Variants in DUSP16 observed in about 807,000 individuals in gnomAD.
DUSP16 encodes dual specificity phosphatase 16.
In DUSP16, 21 loss-of-function variants were observed where a neutral mutation model predicts 58.3. The ratio of observed to expected loss-of-function variants is 0.36; its 90% confidence interval spans 0.26 to 0.52. The LOEUF (loss-of-function observed/expected upper bound fraction) is 0.52. Ranked by LOEUF, DUSP16 falls within the 20% of genes least tolerant of loss-of-function variation. The pLI is 0.94. For synonymous variants in DUSP16, 320 were observed against 323.8 expected, an observed-to-expected ratio of 0.99 and a Z score of 0.12; for missense variants, 726 against 819.0, an observed-to-expected ratio of 0.89 and a Z score of 1.39.
At chr12:12,541,159 A>C (rs1944554529) in intron 1 of DUSP16, among the ~76,000 whole-genome samples, 2 of 151,696 alleles carry the variant, frequency 1.3e-5, no homozygotes, top group South Asian at 4.2e-4. Flanking sequence ...GAGTTTCACC[A>C]TGTTGCCCAG....
chr12:12,538,350 A>G (rs1566040299), intron 1 of DUSP16, among the ~76,000 whole-genome samples: 1 of 152,244 alleles, frequency 6.6e-6, no homozygotes, highest in Non-Finnish European at 1.5e-5. Context: ...GTCATTAAAG[A>G]AAGTCAGAGA....
rs1377188378 is a variant in DUSP16 at position 12,520,000 on chromosome 12, C to T, written c.229G>A (p.Val77Ile). The change falls in exon 3 of 7, where the codon GTT becomes ATT. Residue 77 changes from valine to isoleucine, a missense_variant and splice_region_variant. Physicochemically the swap from Val to Ile is conservative, Grantham distance 29 (BLOSUM62 3). Transcript: ENST00000298573. Reference sequence around the variant, plus strand: ...ACCTTCTGACTGCAATCAATGTCAACCTGAAATGCAAACATGAGGCTTGTT... The same window carrying T: ...ACCTTCTGACTGCAATCAATGTCAATCTGAAATGCAAACATGAGGCTTGTT... ...ELIQHSAKHK[V>I]DIDCSQKVVV... is the part of the protein sequence containing the mutation. 1.9e-6 allele frequency: 3 copies of T among 1,613,890 alleles called. No homozygotes were observed. The highest frequency in any genetic ancestry group is 1.6e-4 in the Middle Eastern group (1 of 6,084).
At chr12:12,479,449 T>G (rs1943520582) in intron 6 of DUSP16, among the ~76,000 whole-genome samples, 1 of 151,902 alleles carries the variant, frequency 6.6e-6, no homozygotes, top group Admixed American at 6.6e-5. Flanking sequence ...CTCAGGGAGG[T>G]CTGAACGGCG....
At chr12:12,549,679 T>C (rs913353601) in intron 1 of DUSP16, among the ~76,000 whole-genome samples, 2 of 151,902 alleles carry the variant, frequency 1.3e-5, no homozygotes, top group Admixed American at 6.6e-5. Context: ...CATTCTGTCA[T>C]TCAAGAAAAA....
chr12:12,552,992 G>T (rs1050185423), intron 1 of DUSP16, among the ~76,000 whole-genome samples: 5 of 152,072 alleles, frequency 3.3e-5, no homozygotes, highest in African/African-American at 1.2e-4. Flanking sequence ...TGTTGGTCAA[G>T]CTGGTCTCGA....
At chr12:12,515,448 TTCCTGAGCAGCTA>T (rs1385111831) in intron 3 of DUSP16, among the ~76,000 whole-genome samples, 1 of 151,000 alleles carries the variant, frequency 6.6e-6, no homozygotes, top group African/African-American at 2.4e-5. Context: ...CTGCCTCAGC[TTCCTGAGCAGCTA>T]GGATTACAGG....
chr12:12,537,881 A>G (rs1311145672), intron 1 of DUSP16, among the ~76,000 whole-genome samples: 2 of 151,886 alleles, frequency 1.3e-5, no homozygotes, highest in Non-Finnish European at 2.9e-5. Context: ...GCTAATCTAT[A>G]AAACTCCAGG....
intron 1 of DUSP16, among the ~76,000 whole-genome samples, chr12:12,529,151 C>T (rs112951810): frequency 1.9e-4 from 29 of 152,276 alleles, no homozygotes; most frequent in African/African-American, 6.3e-4. Flanking sequence ...TGCTCTGTCA[C>T]CCAAGGCTGG....
chr12:12,561,758 C>T (rs1210970729), intron 1 of DUSP16, among the ~76,000 whole-genome samples: 2 of 151,970 alleles, frequency 1.3e-5, no homozygotes, highest in Admixed American at 6.6e-5. Context: ...GGTGCCGCGT[C>T]CCGCGGCGGC....
intron 4 of DUSP16, among the ~76,000 whole-genome samples, chr12:12,490,495 T>C (rs998834467): frequency 6.6e-6 from 1 of 152,172 alleles, no homozygotes; most frequent in African/African-American, 2.4e-5. Flanking sequence ...TCTGGATTGG[T>C]AGTCAGTGGA....
rs955439629 is a variant in DUSP16 at position 12,477,803 on chromosome 12, T to C, written c.1028A>G (p.Asp343Gly). 7 of 1,613,660 alleles carry C rather than the reference T, an allele frequency of 4.3e-6. No homozygotes were observed. The highest frequency in any genetic ancestry group is 5.9e-6 in the Non-Finnish European group (7 of 1,179,952). Residue 343 changes from aspartate to glycine, a missense_variant, in exon 7 of 7, where the codon GAC becomes GGC. Asp to Gly is a moderately conservative substitution (Grantham distance 94). Coordinates refer to ENST00000298573, the MANE Select transcript of DUSP16 (RefSeq NM_030640.3). The surrounding 1 kb of genome is among the most constrained non-coding windows in gnomAD (Gnocchi z 4.1). ...SETPLSPPCA[D>G]SATSEAAGQR... ...TCCTGCTGCCTCTGAGGTAGCAGAG[T>C]CGGCACAGGGTGGACTGAGGGGCGT...
chr12:12,513,829 A>T (rs1440676476), intron 3 of DUSP16, among the ~76,000 whole-genome samples: 3 of 152,096 alleles, frequency 2.0e-5, no homozygotes, highest in South Asian at 2.1e-4. Flanking sequence ...TAAAAGCCCA[A>T]ATTCAATAGT....
At chr12:12,478,449 C>T (rs1213747789) in intron 6 of DUSP16, among the ~76,000 whole-genome samples, 1 of 152,080 alleles carries the variant, frequency 6.6e-6, no homozygotes, top group Non-Finnish European at 1.5e-5. Context: ...CCTCCCACCT[C>T]AGCCTCCTGA....
rs571344091 is a variant in DUSP16, at chr12:12,529,856, GA to G, written c.-365-8394del. On this transcript the variant is annotated intron_variant, in intron 1 of 6. Coordinates refer to ENST00000298573, the MANE Select transcript of DUSP16 (RefSeq NM_030640.3). ...CAGGTTCATCCATGTTGTAGAAAAT[GA>G]CAGGATTTCCTTATTTTTTAAGGCT... Among the ~76,000 whole-genome samples the G allele has an allele frequency of 7.2e-5, 11 of 152,260 alleles. No individual in the cohort carries two copies. The South Asian group carries it at 2.3e-3, about 32-fold the overall frequency.
Position 12,474,179 on chromosome 12 carries a change from C to T in DUSP16, c.*2654G>A, listed in dbSNP as rs1484611057. On this transcript the variant is annotated 3_prime_UTR_variant, in exon 7 of 7. Transcript: ENST00000298573. ...CTTTGGCAACTTGAGTGGTGGTGTT[C>T]CCACCGAGTTTATGGCTGCAAAGAT... is the stretch of plus-strand genomic sequence containing the variant. 1.3e-5 allele frequency: 2 copies of T among 152,154 alleles called. No homozygotes were observed. The highest frequency in any genetic ancestry group is 4.8e-5 in the African/African-American group (2 of 41,424). 9.4% of individuals were successfully genotyped at this position (152,154 alleles called of 1,614,324 possible).
chr12:12,499,530 C>T (rs891598989), intron 4 of DUSP16, among the ~76,000 whole-genome samples: 5 of 152,250 alleles, frequency 3.3e-5, no homozygotes, highest in Non-Finnish European at 5.9e-5. Context: ...CCCAATGACC[C>T]GATGATCGGG....
intron 1 of DUSP16, chr12:12,554,726 T>C (rs577627214): frequency 5.9e-5 from 9 of 152,202 alleles, no homozygotes; most frequent in Non-Finnish European, 1.0e-4. Flanking sequence ...ATATGACTAT[T>C]ATAGCTGAAA....
intron 2 of DUSP16, 105 bp downstream of exon 2, chr12:12,520,766 A>T: frequency 7.2e-7 from 1 of 1,382,144 alleles, no homozygotes; most frequent in East Asian, 2.4e-5. Flanking sequence ...AGCAACCAAA[A>T]CTTCCTCAAA....
chr12:12,553,376 TA>T (rs1944760073), intron 1 of DUSP16, among the ~76,000 whole-genome samples: 1 of 152,234 alleles, frequency 6.6e-6, no homozygotes, highest in South Asian at 2.1e-4. Context: ...AGGATTTCAA[TA>T]AATTACTTCA....
Sources: allele counts gnomAD v4.1 joint callset (sites outside exome capture counted in the v4.1 genomes callset), GRCh38; gene constraint gnomAD v4.1.1; non-coding constraint Gnocchi (gnomAD v3.1); transcripts MANE v1.5; gene names NCBI Gene and HGNC (gene_info 2026-07-23, HGNC 2026-07-21).